The following DAB1 variants were observed in gnomAD, a reference collection of about 807,000 sequenced individuals.
DAB1 encodes the protein DAB adaptor protein 1, also known as disabled homolog 1.
DAB1 carries 15 observed loss-of-function variants against 64.6 expected under a neutral mutation model. The ratio of observed to expected loss-of-function variants is 0.23; its 90% CI spans 0.16 to 0.36. The LOEUF (loss-of-function observed/expected upper bound fraction) is 0.36, where lower values mean the gene tolerates loss of function less well. Ranked by LOEUF, DAB1 falls within the 10% of genes least tolerant of loss-of-function variation. DAB1 has a pLI of 1.00. For synonymous variants in DAB1, 235 were observed against 251.9 expected, an observed-to-expected ratio of 0.93 and a Z score of 0.64; for missense variants, 596 against 706.7, an observed-to-expected ratio of 0.84 and a Z score of 1.78.
intron 2 of DAB1, among the ~76,000 whole-genome samples, chr1:57,152,850 T>C (rs1188327145): frequency 6.6e-6 from 1 of 152,160 alleles, no homozygotes; most frequent in East Asian, 1.9e-4. Flanking sequence ...CAGAACTGAG[T>C]TGGTAAGTGC....
At chr1:57,364,204 G>A (rs768892330) in intron 1 of DAB1, among the ~76,000 whole-genome samples, 14 of 152,114 alleles carry the variant, frequency 9.2e-5, no homozygotes, top group African/African-American at 3.1e-4. Flanking sequence ...CAAGAGAAGC[G>A]AGCACTGTCC....
chr1:58,173,715 C>A (rs1656303988), intron 4 of DAB1, among the ~76,000 whole-genome samples: 1 of 152,172 alleles, frequency 6.6e-6, no homozygotes. Flanking sequence ...CCAGTTCTGT[C>A]TATGCAGCCG....
intron 5 of DAB1, among the ~76,000 whole-genome samples, chr1:57,997,832 G>A (rs1241553060): frequency 2.6e-5 from 4 of 151,768 alleles, no homozygotes; most frequent in African/African-American, 9.7e-5. Flanking sequence ...TCCCCAATTT[G>A]ATCTAATGAC....
At chr1:58,067,591 A>G (rs1648934706) in intron 5 of DAB1, among the ~76,000 whole-genome samples, 1 of 152,238 alleles carries the variant, frequency 6.6e-6, no homozygotes, top group African/African-American at 2.4e-5. Context: ...GACAGAGTCT[A>G]TGGGTTAAGA....
intron 3 of DAB1, among the ~76,000 whole-genome samples, chr1:58,447,467 T>C (rs569412173): frequency 5.3e-5 from 8 of 152,198 alleles, no homozygotes; most frequent in Non-Finnish European, 8.8e-5. Flanking sequence ...TTAATTTTTA[T>C]TCTTTAACAA....
At chr1:58,190,678 G>T (rs779888458) in intron 4 of DAB1, among the ~76,000 whole-genome samples, 7 of 152,186 alleles carry the variant, frequency 4.6e-5, no homozygotes, top group Non-Finnish European at 8.8e-5. Context: ...GAGCCTCTGG[G>T]GCTTTGTTAT....
At chr1:57,470,589 G>A (rs551395659) in intron 7 of DAB1, among the ~76,000 whole-genome samples, 17 of 152,254 alleles carry the variant, frequency 1.1e-4, no homozygotes, top group East Asian at 7.7e-4. Flanking sequence ...CAAAAAGTCC[G>A]TATAAACCAG....
intron 5 of DAB1, among the ~76,000 whole-genome samples, chr1:58,141,522 C>T (rs1654287071): frequency 6.6e-6 from 1 of 152,036 alleles, no homozygotes; most frequent in Non-Finnish European, 1.5e-5. Context: ...TCAGAGGTGC[C>T]ACATACTTTT....
intron 2 of DAB1, among the ~76,000 whole-genome samples, chr1:57,236,795 G>A (rs994378394): frequency 1.3e-5 from 2 of 152,166 alleles, no homozygotes; most frequent in African/African-American, 4.8e-5. Context: ...GAGCTGGTGG[G>A]AGACTGAGGT....
rs372792613 is a variant in DAB1 at position 57,535,681 on chromosome 1, C to T, written n.625+113911G>A. ...TTCACTATGTTGGCCAGGATGGTCT[C>T]GATCTCCTGACCTCGTGATCCACCC... On this transcript the variant is annotated intron_variant and non_coding_transcript_variant, in intron 7 of 20. Coordinates refer to the DAB1 transcript ENST00000485760. Among the ~76,000 whole-genome samples the T allele has an allele frequency of 8.6e-5, 13 of 151,966 alleles. No homozygotes were observed. The South Asian group carries it at 1.9e-3, about 22-fold the overall frequency.
chr1:57,808,172 TTC>T (rs1283736506), intron 6 of DAB1, among the ~76,000 whole-genome samples: 1 of 143,294 alleles, frequency 7.0e-6, no homozygotes, highest in Non-Finnish European at 1.5e-5. Flanking sequence ...CTCTTTCTTT[TTC>T]TCTCTCACAC....
At chr1:57,888,348 C>T (rs1362385581), upstream of DAB1, among the ~76,000 whole-genome samples, 7 of 152,124 alleles carry the variant, frequency 4.6e-5, no homozygotes, top group Non-Finnish European at 1.5e-5. Flanking sequence ...TTATACTCCC[C>T]ATCAGATGGA....
intron 3 of DAB1, among the ~76,000 whole-genome samples, chr1:58,357,303 G>A (rs1215635763): frequency 6.6e-6 from 1 of 152,130 alleles, no homozygotes; most frequent in Non-Finnish European, 1.5e-5. Flanking sequence ...CACCAAACTG[G>A]CTGATAAATT....
intron 6 of DAB1, among the ~76,000 whole-genome samples, chr1:57,662,736 G>A (rs540219353): frequency 2.6e-5 from 4 of 152,296 alleles, no homozygotes; most frequent in Non-Finnish European, 4.4e-5. Flanking sequence ...GGAATAGTGC[G>A]GGTCAGATGG....
At chr1:57,939,280 A>T (rs1004240835) in intron 5 of DAB1, among the ~76,000 whole-genome samples, 1 of 152,100 alleles carries the variant, frequency 6.6e-6, no homozygotes, top group East Asian at 1.9e-4. Flanking sequence ...TCATGACTCA[A>T]TTATGTCCCC....
chr1:58,114,009 G>A (rs1652155647), intron 5 of DAB1, among the ~76,000 whole-genome samples: 1 of 151,882 alleles, frequency 6.6e-6, no homozygotes. Context: ...CACTTTGGGA[G>A]GTCCAGGTGG....
chr1:57,642,801 G>A (rs1400030089), intron 7 of DAB1, among the ~76,000 whole-genome samples: 2 of 152,056 alleles, frequency 1.3e-5, no homozygotes, highest in African/African-American at 2.4e-5. Flanking sequence ...ATAACTCTCC[G>A]GGGCATTTTT....
chr1:57,360,727 A>T (rs1679480600), intron 1 of DAB1, among the ~76,000 whole-genome samples: 1 of 152,188 alleles, frequency 6.6e-6, no homozygotes, highest in African/African-American at 2.4e-5. Context: ...TTTAAAAGAA[A>T]GAACAATATG....
intron 2 of DAB1, among the ~76,000 whole-genome samples, chr1:57,218,515 TAAAA>T (rs776398255): frequency 1.4e-5 from 1 of 71,452 alleles, no homozygotes; most frequent in Non-Finnish European, 2.3e-5. Flanking sequence ...CCCCCATCTC[TAAAA>T]AAAAAAAAAA....
Sources: gnomAD v4.1 joint callset for allele counts (sites outside exome capture counted in the v4.1 genomes callset) on GRCh38, gnomAD v4.1.1 for gene constraint, MANE v1.5 for transcripts, NCBI Gene and HGNC (gene_info 2026-07-23, HGNC 2026-07-21) for gene names.